The following CLASP1 variants were observed in gnomAD, a reference collection of about 807,000 sequenced individuals.
The protein encoded by CLASP1 is cytoplasmic linker associated protein 1.
CLASP1 carries 38 observed loss-of-function variants against 192.3 expected under a neutral mutation model. The ratio of observed to expected loss-of-function variants is 0.20; its 90% CI spans 0.15 to 0.26. The LOEUF (loss-of-function observed/expected upper bound fraction) is 0.26, where lower values mean the gene tolerates loss of function less well. Ranked by LOEUF, CLASP1 falls within the 10% of genes least tolerant of loss-of-function variation. CLASP1 has a pLI of 1.00. For synonymous variants in CLASP1, 691 were observed against 712.8 expected (o/e 0.97, Z 0.49); for missense variants, 1,433 against 1,932.5 (o/e 0.74, Z 4.85).
In CLASP1 at chr2:121,386,907, A is replaced by G. The variant is rs185780126; in HGVS notation, c.3374+215T>C. 2.1e-3 allele frequency among the ~76,000 whole-genome samples: 326 copies of G among 152,346 alleles called. 1 individual carries two copies. Among genetic ancestry groups the G allele is most frequent in the African/African-American group, 7.4e-3 (307 of 41,576 alleles). ...GTGTTTAGAGCTACAAGAACGAGAG[A>G]ACATTCAGCACACATGACTCATCTT... is the stretch of plus-strand genomic sequence containing the variant. On this transcript the variant is annotated intron_variant, in intron 32 of 39. Coordinates refer to ENST00000263710, the Ensembl canonical transcript of CLASP1.
intron 8 of CLASP1, among the ~76,000 whole-genome samples, chr2:121,491,936 T>C (rs778835503): frequency 1.3e-5 from 2 of 152,238 alleles, no homozygotes; most frequent in Non-Finnish European, 2.9e-5. Flanking sequence ...AAACCCTTGA[T>C]AAATCCTTAT....
chr2:121,387,869 T>C, exon 31 of CLASP1: 1 of 1,612,680 alleles, frequency 6.2e-7, no homozygotes, highest in South Asian at 1.1e-5. Context: ...TTCAGGAGTA[T>C]TCAATTCAAA....
chr2:121,472,305 G>T (rs2090890230), intron 8 of CLASP1, among the ~76,000 whole-genome samples: 1 of 152,124 alleles, frequency 6.6e-6, no homozygotes, highest in Admixed American at 6.5e-5. Context: ...GACTAGACGT[G>T]GATGACTTAA....
At chr2:121,590,036 C>T (rs948233781) in intron 2 of CLASP1, among the ~76,000 whole-genome samples, 4 of 152,056 alleles carry the variant, frequency 2.6e-5, no homozygotes, top group African/African-American at 7.2e-5. Context: ...AAAAATAAAA[C>T]TATTTTATTT....
intron 2 of CLASP1, among the ~76,000 whole-genome samples, chr2:121,556,277 TG>T (rs2105242758): frequency 6.6e-6 from 1 of 152,218 alleles, no homozygotes; most frequent in South Asian, 2.1e-4. Context: ...TGAACCACCA[TG>T]CCCAGCCACA....
At chr2:121,464,218 G>A (rs1429593205) in intron 9 of CLASP1, among the ~76,000 whole-genome samples, 1 of 151,966 alleles carries the variant, frequency 6.6e-6, no homozygotes, top group Non-Finnish European at 1.5e-5. Context: ...GTGTATATGT[G>A]CCACATTTTC....
At position 121,636,501 on chromosome 2, in the gene CLASP1, T is replaced by TA. The variant is rs539858635; in HGVS notation, c.-286+12870dup. On this transcript the variant is annotated intron_variant, in intron 1 of 39. Transcript: ENST00000263710. ...CAATATGCTGAAACCCCATCTCTAC[T>TA]AAAAAAATACAAAATTAGCAGGGTG... Among the ~76,000 whole-genome samples the TA allele has an allele frequency of 6.9e-3, 1,030 of 149,214 alleles. 11 individuals carry two copies. The highest frequency in any genetic ancestry group is 0.015 in the Middle Eastern group (4 of 262).
chr2:121,441,317 G>T (rs557682809), intron 19 of CLASP1, among the ~76,000 whole-genome samples: 12 of 151,860 alleles, frequency 7.9e-5, no homozygotes, highest in Non-Finnish European at 1.6e-4. Context: ...ACGTTTCACT[G>T]CTTGGGGGCA....
rs1403471112 is a variant in CLASP1 at position 121,531,103 on chromosome 2, C to T, written c.196-778G>A. ...TTAAACCAGTAGAGGGTGCACAAGA[C>T]GCGTGGTTTTAGTGTCGCAAGTAAA... is the stretch of plus-strand genomic sequence containing the variant. On this transcript the variant is annotated intron_variant, in intron 2 of 39. Transcript: ENST00000263710. 18 of 645,172 alleles carry T rather than the reference C, an allele frequency of 2.8e-5. 1 individual carries two copies. The highest frequency in any genetic ancestry group is 8.0e-4 in the Middle Eastern group (2 of 2,498). The allele number at this position is 645,172 out of a possible 1,614,324, so 40.0% of individuals were successfully genotyped here.
intron 8 of CLASP1, among the ~76,000 whole-genome samples, chr2:121,478,963 C>CCACACACACCA (rs1559369917): frequency 9.9e-5 from 5 of 50,336 alleles, no homozygotes; most frequent in Admixed American, 2.0e-4. Context: ...CACACACACA[C>CCACACACACCA]CACACACACC....
intron 14 of CLASP1, 26 bp from the exon 15 acceptor site, chr2:121,451,875 CTTA>C: frequency 6.9e-7 from 1 of 1,454,856 alleles, no homozygotes; most frequent in South Asian, 1.2e-5. Context: ...AAATACACAA[CTTA>C]TTAATACATA....
At chr2:121,564,261 A>G (rs1473629859) in intron 2 of CLASP1, among the ~76,000 whole-genome samples, 1 of 152,226 alleles carries the variant, frequency 6.6e-6, no homozygotes, top group Admixed American at 6.5e-5. Flanking sequence ...GCTAACATTT[A>G]TCCATTCTTC....
chr2:121,531,081 AACCAGTAGAGGGTGC>A (rs2094832429), intron 2 of CLASP1: 1 of 682,270 alleles, frequency 1.5e-6, no homozygotes, highest in Non-Finnish European at 2.7e-6. Context: ...TTTGTGGTTA[AACCAGTAGAGGGTGC>A]ACAAGACGCG....
chr2:121,365,525 A>G (rs2067229515), intron 35 of CLASP1, among the ~76,000 whole-genome samples: 1 of 152,216 alleles, frequency 6.6e-6, no homozygotes, highest in Non-Finnish European at 1.5e-5. Context: ...GTCCAGTACC[A>G]ACAGTCAATG....
chr2:121,593,737 G>A (rs552202995), intron 2 of CLASP1, among the ~76,000 whole-genome samples: 13 of 150,964 alleles, frequency 8.6e-5, no homozygotes, highest in East Asian at 7.9e-4. Context: ...TCGGCCAGGC[G>A]CAGTGGCTCA....
chr2:121,501,491 T>C (rs747979137), intron 8 of CLASP1, among the ~76,000 whole-genome samples: 1 of 152,194 alleles, frequency 6.6e-6, no homozygotes, highest in Non-Finnish European at 1.5e-5. Flanking sequence ...GTTAAAATTA[T>C]ATACAAATTA....
intron 2 of CLASP1, chr2:121,530,679 G>C (rs1007779473): frequency 9.8e-6 from 5 of 509,850 alleles, no homozygotes; most frequent in South Asian, 9.3e-5. Context: ...GCCGACGCGC[G>C]GTCTTCTGGG....
chr2:121,355,218 G>A (rs1001965681), intron 37 of CLASP1, among the ~76,000 whole-genome samples: 1 of 152,084 alleles, frequency 6.6e-6, no homozygotes, highest in African/African-American at 2.4e-5. Context: ...GCGCCATCTT[G>A]GTGGGTTCAA....
intron 14 of CLASP1, among the ~76,000 whole-genome samples, chr2:121,457,410 T>G (rs551825528): frequency 2.0e-5 from 3 of 151,470 alleles, no homozygotes; most frequent in African/African-American, 7.3e-5. Flanking sequence ...TCCTCTCCCC[T>G]TCTCCTTCTG....
Sources: gnomAD v4.1 joint callset for allele counts (sites outside exome capture counted in the v4.1 genomes callset) on GRCh38, gnomAD v4.1.1 for gene constraint, MANE v1.5 for transcripts, NCBI Gene and HGNC (gene_info 2026-07-23, HGNC 2026-07-21) for gene names.